Variants in MPPED2 observed in about 807,000 individuals in gnomAD.
The protein encoded by MPPED2 is metallophosphoesterase MPPED2.
A neutral mutation model predicts 33.0 loss-of-function variants in MPPED2; 5 were observed. That is an observed-to-expected ratio of 0.15 (90% CI 0.08 to 0.32). The LOEUF is 0.32. MPPED2 is among the 10% of genes least tolerant of loss of function. MPPED2 has a pLI of 1.00. For missense variants in MPPED2, 275 were observed against 372.1 expected (o/e 0.74, Z 2.15); for synonymous variants, 136 against 141.9 (o/e 0.96, Z 0.29).
chr11:30,465,404 C>T (rs1228154690), intron 4 of MPPED2, among the ~76,000 whole-genome samples: 1 of 152,200 alleles, frequency 6.6e-6, no homozygotes, highest in Non-Finnish European at 1.5e-5. Flanking sequence ...CCTCCCAACT[C>T]AGCTTCCTGA....
intron 6 of MPPED2, among the ~76,000 whole-genome samples, chr11:30,394,820 C>G (rs898858255): frequency 1.3e-5 from 2 of 152,166 alleles, no homozygotes; most frequent in African/African-American, 4.8e-5. Flanking sequence ...TGTAAGAACT[C>G]TACCTCATTC....
chr11:30,506,838 T>C (rs1238993428), intron 3 of MPPED2, among the ~76,000 whole-genome samples: 1 of 152,214 alleles, frequency 6.6e-6, no homozygotes, highest in Non-Finnish European at 1.5e-5. Flanking sequence ...TTTGGGCAGA[T>C]GATGCAGGAT....
intron 4 of MPPED2, among the ~76,000 whole-genome samples, chr11:30,475,066 T>C (rs181638500): frequency 1.3e-5 from 2 of 152,306 alleles, no homozygotes; most frequent in East Asian, 3.9e-4. Context: ...ATATCTAAGA[T>C]GGATAGATAT....
At chr11:30,435,809 A>G (rs2133870146) in intron 4 of MPPED2, among the ~76,000 whole-genome samples, 1 of 152,320 alleles carries the variant, frequency 6.6e-6, no homozygotes, top group South Asian at 2.1e-4. Context: ...GAAATCAGTA[A>G]GTGGCAGAGC....
chr11:30,520,666 T>G (rs1480522597), intron 3 of MPPED2, among the ~76,000 whole-genome samples: 1 of 152,236 alleles, frequency 6.6e-6, no homozygotes, highest in Non-Finnish European at 1.5e-5. Context: ...TTTTAGCATT[T>G]GTAATAAATA....
intron 4 of MPPED2, among the ~76,000 whole-genome samples, chr11:30,471,848 A>G (rs1473076175): frequency 1.3e-5 from 2 of 152,190 alleles, no homozygotes; most frequent in Non-Finnish European, 2.9e-5. Flanking sequence ...CTGATTTGCT[A>G]TCTTTTTCTC....
At chr11:30,516,895 C>T (rs528831109) in intron 3 of MPPED2, among the ~76,000 whole-genome samples, 15 of 152,298 alleles carry the variant, frequency 9.8e-5, no homozygotes, top group African/African-American at 3.6e-4. Flanking sequence ...TTAAGATAAA[C>T]TCTTACATTC....
At chr11:30,455,797 G>A (rs1478369169) in intron 4 of MPPED2, among the ~76,000 whole-genome samples, 1 of 152,172 alleles carries the variant, frequency 6.6e-6, no homozygotes, top group African/African-American at 2.4e-5. Context: ...CAAAGGTAAA[G>A]AGCCCTCACC....
chr11:30,557,699 T>G (rs1366194927), intron 2 of MPPED2, among the ~76,000 whole-genome samples: 1 of 152,240 alleles, frequency 6.6e-6, no homozygotes, highest in African/African-American at 2.4e-5. Context: ...TATTCCCATT[T>G]ATATAGAATG....
intron 3 of MPPED2, chr11:30,501,621 A>T: frequency 3.1e-6 from 3 of 981,040 alleles, no homozygotes; most frequent in African/African-American, 1.7e-5. Flanking sequence ...TGTAATAGAT[A>T]GCATCCAGAC....
intron 2 of MPPED2, among the ~76,000 whole-genome samples, chr11:30,539,976 C>T (rs1316180186): frequency 3.3e-5 from 5 of 152,130 alleles, no homozygotes; most frequent in Non-Finnish European, 7.3e-5. Flanking sequence ...CCTTCCTCCC[C>T]CTGTGCAACC....
chr11:30,409,184 G>A (rs1948035207), downstream of MPPED2, among the ~76,000 whole-genome samples: 1 of 152,140 alleles, frequency 6.6e-6, no homozygotes, highest in Non-Finnish European at 1.5e-5. Context: ...TGTTTTTCCA[G>A]AAGCCAGAGG....
chr11:30,529,698 G>T (rs1179812462), intron 3 of MPPED2, among the ~76,000 whole-genome samples: 1 of 152,152 alleles, frequency 6.6e-6, no homozygotes, highest in Non-Finnish European at 1.5e-5. Flanking sequence ...AACAGCCTTG[G>T]CGGTGAAGGT....
intron 4 of MPPED2, among the ~76,000 whole-genome samples, chr11:30,481,747 C>CTGGGTTTTATCATTCAACCCAGCACTGGA (rs1193156576): frequency 2.8e-4 from 42 of 152,102 alleles, no homozygotes; most frequent in Non-Finnish European, 5.1e-4. Flanking sequence ...CCAAAAAGGT[C>CTGGGTTTTATCATTCAACCCAGCACTGGA]TGGGTTTTAT....
intron 2 of MPPED2, among the ~76,000 whole-genome samples, chr11:30,548,708 C>T (rs1333957222): frequency 6.6e-6 from 1 of 152,116 alleles, no homozygotes; most frequent in Non-Finnish European, 1.5e-5. Flanking sequence ...AAGCAAAGAA[C>T]TGGAGTAATG....
intron 3 of MPPED2, among the ~76,000 whole-genome samples, chr11:30,518,174 A>G (rs558300458): frequency 2.0e-5 from 3 of 152,208 alleles, no homozygotes; most frequent in Admixed American, 6.5e-5. Context: ...TATTCTAGAC[A>G]CTCTTTTAAC....
At chr11:30,531,850 C>T (rs1033989275) in intron 3 of MPPED2, among the ~76,000 whole-genome samples, 2 of 152,304 alleles carry the variant, frequency 1.3e-5, no homozygotes, top group South Asian at 4.2e-4. Flanking sequence ...AACATATGTA[C>T]GTGTAAGTAC....
intron 3 of MPPED2, among the ~76,000 whole-genome samples, chr11:30,511,681 T>G (rs1048624961): frequency 2.6e-5 from 4 of 152,158 alleles, no homozygotes; most frequent in Non-Finnish European, 4.4e-5. Context: ...AAGCACATAG[T>G]TCCTTGTAAA....
At chr11:30,399,802 T>G (rs1163028174) in intron 6 of MPPED2, among the ~76,000 whole-genome samples, 8 of 152,154 alleles carry the variant, frequency 5.3e-5, no homozygotes, top group African/African-American at 1.7e-4. Context: ...ATAAAACATA[T>G]TGGGAGAAAA....
Sources: gnomAD v4.1 joint callset for allele counts (sites outside exome capture counted in the v4.1 genomes callset) on GRCh38, gnomAD v4.1.1 for gene constraint, MANE v1.5 for transcripts, NCBI Gene and HGNC (gene_info 2026-07-23, HGNC 2026-07-21) for gene names.